MYLK: variants seen among roughly 807,000 people sequenced by gnomAD.
MYLK encodes myosin light chain kinase.
In MYLK, 106 loss-of-function variants were observed where a neutral mutation model predicts 203.4. The ratio of observed to expected loss-of-function variants is 0.52; its 90% CI spans 0.45 to 0.61. MYLK has a LOEUF of 0.61. Ranked by LOEUF, MYLK falls within the 20% of genes least tolerant of loss-of-function variation. The pLI is 0.00. For synonymous variants in MYLK, 867 were observed against 959.5 expected, an observed-to-expected ratio of 0.90 and a Z score of 1.78; for missense variants, 2,072 against 2,442.3, an observed-to-expected ratio of 0.85 and a Z score of 3.20.
chr3:123,844,819 GTTGTT>G (rs532826631), intron 2 of MYLK, among the ~76,000 whole-genome samples: 10 of 86,808 alleles, frequency 1.2e-4, no homozygotes, highest in African/African-American at 4.3e-4. Flanking sequence ...CTTCTCCTCA[GTTGTT>G]TTTTTTTTTT....
rs1425980808 is a variant in MYLK, at chr3:123,648,052, A to G, written c.4416-625T>C. ...TGGCCCAGGCAGGGTCCTGCTTCCT[A>G]CTGCTGAGAGAGGGGAGAGTGGGGC... On this transcript the variant is annotated intron_variant, in intron 26 of 33. Coordinates refer to ENST00000360304, the MANE Select transcript of MYLK (RefSeq NM_053025.4). The surrounding 1 kb of genome is among the most constrained non-coding windows in gnomAD (Gnocchi z 4.5). Among the ~76,000 whole-genome samples, 23 of 151,880 alleles carry G rather than the reference A, an allele frequency of 1.5e-4. No individual in the cohort carries two copies. Among genetic ancestry groups the G allele is most frequent in the Admixed American group, 1.5e-3 (23 of 15,254 alleles).
chr3:123,659,340 A>T (rs1478542377), intron 23 of MYLK, among the ~76,000 whole-genome samples: 2 of 152,180 alleles, frequency 1.3e-5, no homozygotes, highest in Non-Finnish European at 2.9e-5. Flanking sequence ...AAACTGAGAA[A>T]TGGGTGTTGC....
chr3:123,841,731 C>T (rs73857532), intron 2 of MYLK, among the ~76,000 whole-genome samples: 29 of 152,236 alleles, frequency 1.9e-4, no homozygotes, highest in Non-Finnish European at 2.4e-4. Context: ...TAACCCCCTA[C>T]AATCAATCCA....
intron 13 of MYLK, among the ~76,000 whole-genome samples, chr3:123,714,238 G>A (rs1030984270): frequency 6.6e-6 from 1 of 152,168 alleles, no homozygotes; most frequent in African/African-American, 2.4e-5. Context: ...AAGGTCCTGG[G>A]GCTGCGATGC....
rs1186222654 is a variant in MYLK, at chr3:123,652,475, T to C, written c.4289-3281A>G. On this transcript the variant is annotated intron_variant, in intron 24 of 33. Coordinates refer to ENST00000360304, the MANE Select transcript of MYLK (RefSeq NM_053025.4). ...CATGGCACAAGTCCAGTCAGTCCCC[T>C]GGACAGAGAATTGTCCCTTCCTGCA... Among the ~76,000 whole-genome samples the C allele has an allele frequency of 2.6e-5, 4 of 152,204 alleles. No homozygotes were observed. In the East Asian group the frequency reaches 7.7e-4, roughly 29 times the overall value.
intron 31 of MYLK, chr3:123,624,422 C>T (rs569871127): frequency 6.6e-6 from 1 of 152,090 alleles, no homozygotes; most frequent in African/African-American, 2.4e-5. Context: ...CATCTCTTCT[C>T]TGCTCCTAGC....
chr3:123,867,323 A>C (rs2032398793), intron 2 of MYLK, among the ~76,000 whole-genome samples: 1 of 151,838 alleles, frequency 6.6e-6, no homozygotes, highest in African/African-American at 2.4e-5. Context: ...GGTACCTGTG[A>C]ATGTGGCCTG....
At chr3:123,742,473 T>C (rs2062882971) in intron 5 of MYLK, among the ~76,000 whole-genome samples, 1 of 152,126 alleles carries the variant, frequency 6.6e-6, no homozygotes, top group South Asian at 2.1e-4. Flanking sequence ...TTCTAAAACC[T>C]ATAAATACAA....
intron 3 of MYLK, among the ~76,000 whole-genome samples, chr3:123,815,405 T>C (rs11921982): frequency 0.091 from 13,901 of 152,166 alleles, 1,039 homozygotes; most frequent in East Asian, 0.4. Flanking sequence ...GTGAGGCAAG[T>C]ATTGAGTAAG....
At chr3:123,714,283 G>T (rs2061818635) in intron 13 of MYLK, among the ~76,000 whole-genome samples, 1 of 152,204 alleles carries the variant, frequency 6.6e-6, no homozygotes, top group Admixed American at 6.5e-5. Context: ...GTGGGGTCCT[G>T]GTCTGGGTGC....
Position 123,700,978 on chromosome 3 carries a change from G to A in MYLK, c.2490C>T (p.Asp830=). 2.5e-6 allele frequency: 4 copies of A among 1,607,590 alleles called. No homozygotes were observed. The highest frequency in any genetic ancestry group is 3.4e-6 in the Non-Finnish European group (4 of 1,179,972). The change falls in exon 18 of 34, where the codon GAC becomes GAT. Residue 830 remains aspartate, a synonymous_variant. Transcript: ENST00000360304. ...CAGCACCAACTCCTCCACCACAGAG[G>A]TCCTCGCAGCTGGCAGGCTCCCTCC... ...PRGREPASCE[D]LCGGGVGADG... is the part of the protein sequence containing the mutation.
At chr3:123,698,400 C>T (rs1386343503) in intron 18 of MYLK, among the ~76,000 whole-genome samples, 1 of 152,126 alleles carries the variant, frequency 6.6e-6, no homozygotes, top group African/African-American at 2.4e-5. Context: ...TGGATGCCAC[C>T]CTGCATCCTG....
At chr3:123,698,541 G>A (rs980387436) in intron 18 of MYLK, among the ~76,000 whole-genome samples, 2 of 152,162 alleles carry the variant, frequency 1.3e-5, no homozygotes, top group Admixed American at 6.5e-5. Flanking sequence ...CTGCTCCTCT[G>A]AAGTCTCACC....
At chr3:123,781,557 A>C (rs1366489006) in intron 4 of MYLK, among the ~76,000 whole-genome samples, 1 of 152,238 alleles carries the variant, frequency 6.6e-6, no homozygotes, top group Non-Finnish European at 1.5e-5. Flanking sequence ...GGTTCTGTAA[A>C]ATGCCACACA....
intron 23 of MYLK, among the ~76,000 whole-genome samples, chr3:123,659,088 C>T (rs1052862166): frequency 6.6e-6 from 1 of 152,148 alleles, no homozygotes; most frequent in African/African-American, 2.4e-5. Context: ...TTTTTTGAAA[C>T]ATTTCTGGTT....
intron 18 of MYLK, among the ~76,000 whole-genome samples, 155 bp downstream of exon 18, chr3:123,699,865 G>A (rs889431834): frequency 1.4e-4 from 22 of 152,152 alleles, no homozygotes; most frequent in African/African-American, 4.3e-4. Flanking sequence ...AAACAGGGAC[G>A]CGGCCCTCCT....
intron 3 of MYLK, among the ~76,000 whole-genome samples, chr3:123,796,803 T>C (rs917283465): frequency 2.0e-5 from 3 of 152,240 alleles, no homozygotes; most frequent in African/African-American, 7.2e-5. Context: ...ATGGGCATGC[T>C]CATACCCTCT....
At chr3:123,882,644 A>C (rs1197874943) in intron 1 of MYLK, among the ~76,000 whole-genome samples, 1 of 152,142 alleles carries the variant, frequency 6.6e-6, no homozygotes, top group African/African-American at 2.4e-5. Flanking sequence ...CATCTTGGCA[A>C]AAAAAGCTCT....
intron 31 of MYLK, among the ~76,000 whole-genome samples, chr3:123,626,155 A>AC (rs2058137275): frequency 6.6e-6 from 1 of 152,190 alleles, no homozygotes; most frequent in Non-Finnish European, 1.5e-5. Context: ...CAGATGGCCT[A>AC]CCTTCATACC....
Sources: allele counts gnomAD v4.1 joint callset (sites outside exome capture counted in the v4.1 genomes callset), GRCh38; gene constraint gnomAD v4.1.1; non-coding constraint Gnocchi (gnomAD v3.1); transcripts MANE v1.5; gene names NCBI Gene and HGNC (gene_info 2026-07-23, HGNC 2026-07-21).